PDE1A: variants seen among roughly 807,000 people sequenced by gnomAD.
The protein encoded by PDE1A is phosphodiesterase 1A.
PDE1A carries 35 observed loss-of-function variants against 61.7 expected under a neutral mutation model. That is an observed-to-expected ratio of 0.57 (90% CI 0.43 to 0.75). PDE1A has a LOEUF of 0.75. Among genes scored for constraint, PDE1A ranks in the 30% least tolerant of loss-of-function variants. The pLI, the probability that PDE1A is intolerant of heterozygous loss-of-function variation, is 0.00. For missense variants in PDE1A, 597 were observed against 630.6 expected (o/e 0.95, Z 0.57); for synonymous variants, 232 against 213.2 (o/e 1.09, Z -0.77).
chr2:182,599,602 T>G, the PDE1A span, among the ~76,000 whole-genome samples: 2 of 152,014 alleles, frequency 1.3e-5, no homozygotes, highest in Non-Finnish European at 2.9e-5. Flanking sequence ...ATGTTCTGGC[T>G]TTTAAGCTTT....
chr2:182,414,034 T>C (rs974928601), intron 1 of PDE1A, among the ~76,000 whole-genome samples: 1 of 152,102 alleles, frequency 6.6e-6, no homozygotes, highest in Non-Finnish European at 1.5e-5. Context: ...TGTAAAGAAA[T>C]GTGAATCGGC....
At chr2:182,175,416 G>C (rs1383667406) in intron 13 of PDE1A, among the ~76,000 whole-genome samples, 3 of 151,006 alleles carry the variant, frequency 2.0e-5, no homozygotes, top group Non-Finnish European at 4.4e-5. Flanking sequence ...GTTTTGATTT[G>C]CATTTCTCTG....
the PDE1A span, among the ~76,000 whole-genome samples, chr2:182,655,643 G>C: frequency 2.0e-5 from 3 of 152,184 alleles, no homozygotes; most frequent in African/African-American, 2.4e-5. Context: ...TATTTTGCAA[G>C]GCATTTGCCT....
the PDE1A span, among the ~76,000 whole-genome samples, chr2:182,618,368 G>C: frequency 6.6e-6 from 1 of 152,112 alleles, no homozygotes; most frequent in South Asian, 2.1e-4. Flanking sequence ...GATATGAATA[G>C]AGAAATTATA....
exon 15 of PDE1A, chr2:182,140,449 T>C (rs143144019): frequency 1.6e-4 from 24 of 152,342 alleles, no homozygotes; most frequent in African/African-American, 4.8e-4. Flanking sequence ...CCTCACTAAA[T>C]TGAATTGCAT....
At chr2:182,199,912 G>C (rs1017240958) in intron 10 of PDE1A, among the ~76,000 whole-genome samples, 1 of 151,400 alleles carries the variant, frequency 6.6e-6, no homozygotes, top group Non-Finnish European at 1.5e-5. Flanking sequence ...AATATATTTG[G>C]TGTTTATATC....
chr2:182,364,467 A>T (rs949674200), intron 1 of PDE1A, among the ~76,000 whole-genome samples: 59 of 44,140 alleles, frequency 1.3e-3, no homozygotes, highest in Admixed American at 4.5e-3. Flanking sequence ...ACACTTTGGT[A>T]AAAAAAAAAA....
At chr2:182,658,509 G>A in the PDE1A span, among the ~76,000 whole-genome samples, 1 of 152,212 alleles carries the variant, frequency 6.6e-6, no homozygotes, top group Non-Finnish European at 1.5e-5. Context: ...AAGTTCCAGA[G>A]GTTTGCACTT....
the PDE1A span, among the ~76,000 whole-genome samples, chr2:182,595,247 A>T: frequency 6.6e-6 from 1 of 152,312 alleles, no homozygotes; most frequent in Admixed American, 6.5e-5. Flanking sequence ...TTTCTTATGC[A>T]AATTTTACAA....
the PDE1A span, among the ~76,000 whole-genome samples, chr2:182,662,464 C>T: frequency 2.6e-5 from 4 of 151,976 alleles, no homozygotes; most frequent in Non-Finnish European, 4.4e-5. Context: ...GTAACCAAAA[C>T]AGCACAGTAC....
chr2:182,695,242 C>T, the PDE1A span, among the ~76,000 whole-genome samples: 4 of 151,934 alleles, frequency 2.6e-5, no homozygotes, highest in Non-Finnish European at 4.4e-5. Context: ...TTCTTAAATT[C>T]ATAAGAGAAG....
At chr2:182,333,975 T>A (rs376228524) in intron 1 of PDE1A, among the ~76,000 whole-genome samples, 3 of 151,764 alleles carry the variant, frequency 2.0e-5, no homozygotes, top group Non-Finnish European at 4.4e-5. Flanking sequence ...AACCAGAAAA[T>A]CTAGAAGAAA....
At chr2:182,232,379 C>A (rs556932526) in intron 4 of PDE1A, among the ~76,000 whole-genome samples, 8 of 152,118 alleles carry the variant, frequency 5.3e-5, no homozygotes, top group Non-Finnish European at 1.0e-4. Flanking sequence ...TAAAGCTATG[C>A]GTTAATTTTC....
the PDE1A span, among the ~76,000 whole-genome samples, chr2:182,535,652 T>C: frequency 6.6e-6 from 1 of 152,164 alleles, no homozygotes; most frequent in Non-Finnish European, 1.5e-5. Flanking sequence ...TTTAAATGTA[T>C]GTACATTTGA....
chr2:182,419,895 T>C (rs1372183611), intron 1 of PDE1A, among the ~76,000 whole-genome samples: 1 of 152,144 alleles, frequency 6.6e-6, no homozygotes, highest in Non-Finnish European at 1.5e-5. Flanking sequence ...TAAAATACAT[T>C]CTACTAAAAG....
intron 7 of PDE1A, among the ~76,000 whole-genome samples, chr2:182,214,646 C>CAAAG (rs1297783211): frequency 6.8e-6 from 1 of 148,056 alleles, no homozygotes; most frequent in Non-Finnish European, 1.5e-5. Context: ...TTTAAACCAA[C>CAAAG]AAAGATCAAA....
At chr2:182,246,142 AC>A (rs1690929417) in intron 2 of PDE1A, among the ~76,000 whole-genome samples, 1 of 152,026 alleles carries the variant, frequency 6.6e-6, no homozygotes. Flanking sequence ...CTCCAACCTC[AC>A]CTTTTAACCA....
chr2:182,254,800 T>C (rs554076744), intron 2 of PDE1A, among the ~76,000 whole-genome samples: 9 of 152,290 alleles, frequency 5.9e-5, no homozygotes, highest in African/African-American at 1.9e-4. Flanking sequence ...ATTTTAGTTT[T>C]CACTGCAGAG....
chr2:182,339,480 A>G (rs1241936562), intron 1 of PDE1A, among the ~76,000 whole-genome samples: 4 of 152,240 alleles, frequency 2.6e-5, no homozygotes, highest in Non-Finnish European at 5.9e-5. Flanking sequence ...CTTAATTTGA[A>G]TAAGATGCTT....
Sources: allele counts gnomAD v4.1 joint callset (sites outside exome capture counted in the v4.1 genomes callset), GRCh38; gene constraint gnomAD v4.1.1; transcripts MANE v1.5; gene names NCBI Gene and HGNC (gene_info 2026-07-23, HGNC 2026-07-21).